Variants in BCAS3 observed in about 807,000 individuals in gnomAD.
The protein encoded by BCAS3 is BCAS3 microtubule associated cell migration factor.
BCAS3 carries 53 observed loss-of-function variants against 116.1 expected under a neutral mutation model. That is an observed-to-expected ratio of 0.46 (90% CI 0.37 to 0.57). The LOEUF is 0.57. BCAS3 is among the 20% of genes least tolerant of loss of function. BCAS3 has a pLI of 0.00. For missense variants in BCAS3, 917 were observed against 1,165.4 expected (o/e 0.79, Z 3.10); for synonymous variants, 391 against 408.2 (o/e 0.96, Z 0.51).
chr17:61,038,151 C>T (rs186857478), intron 18 of BCAS3, 97 bp downstream of exon 18: 150 of 1,062,582 alleles, frequency 1.4e-4, no homozygotes, highest in African/African-American at 5.8e-4. Flanking sequence ...CATACAGCTA[C>T]GAAATCATCA....
intron 22 of BCAS3, among the ~76,000 whole-genome samples, chr17:61,262,427 C>A (rs953850517): frequency 2.0e-5 from 3 of 150,878 alleles, no homozygotes; most frequent in African/African-American, 7.3e-5. Context: ...TTCGCCCAGG[C>A]TGTAGTGTAG....
rs147767926 is a variant in BCAS3, at chr17:60,763,732, C to T, written c.403+16453C>T. On this transcript the variant is annotated intron_variant, in intron 6 of 23. Coordinates refer to ENST00000407086, the MANE Select transcript of BCAS3 (RefSeq NM_017679.5). The stretch of plus-strand genomic sequence containing the variant: ...TCATAAAATGAGTTAGGGAGGGTTC[C>T]CTCTTTTTCTATGGATTGGAATAGC... Among the ~76,000 whole-genome samples the T allele has an allele frequency of 2.3e-3, 349 of 152,178 alleles. 6 individuals carry two copies. Among genetic ancestry groups the T allele is most frequent in the East Asian group, 0.017 (87 of 5,180 alleles).
chr17:60,983,039 T>A (rs1327032470), intron 14 of BCAS3, among the ~76,000 whole-genome samples: 2 of 152,296 alleles, frequency 1.3e-5, no homozygotes, highest in African/African-American at 2.4e-5. Flanking sequence ...AAGAAAAAAA[T>A]ATATAAATAT....
At chr17:61,182,504 A>G (rs1244180140) in intron 22 of BCAS3, among the ~76,000 whole-genome samples, 1 of 152,182 alleles carries the variant, frequency 6.6e-6, no homozygotes, top group African/African-American at 2.4e-5. Flanking sequence ...TTTTATTTTA[A>G]CAGCCTTATT....
intron 22 of BCAS3, among the ~76,000 whole-genome samples, chr17:61,330,971 T>C (rs561741780): frequency 3.3e-5 from 5 of 152,354 alleles, no homozygotes; most frequent in African/African-American, 1.2e-4. Flanking sequence ...CCAAAGGGCC[T>C]CTCTGGGCGG....
rs2061465172 is a variant in BCAS3, at chr17:60,962,581, G to A, written c.1221+15229G>A. On this transcript the variant is annotated intron_variant, in intron 14 of 23. Coordinates refer to ENST00000407086, the MANE Select transcript of BCAS3 (RefSeq NM_017679.5). The surrounding 1 kb of genome is among the most constrained non-coding windows in gnomAD (Gnocchi z 4.4). ...GTTGGATTTTGCCCATTTTAAAATT[G>A]GATTATTTGGGGGTTTTTGCTATTG... Among the ~76,000 whole-genome samples the A allele has an allele frequency of 6.6e-6, 1 of 151,784 alleles. No individual in the cohort carries two copies. The highest frequency in any genetic ancestry group is 1.5e-5 in the Non-Finnish European group (1 of 67,948).
intron 22 of BCAS3, among the ~76,000 whole-genome samples, chr17:61,345,054 T>C (rs1050127570): frequency 3.3e-5 from 5 of 152,306 alleles, no homozygotes; most frequent in Admixed American, 6.5e-5. Context: ...TCGCCTGCTG[T>C]CATCATCTTC....
chr17:60,713,943 C>A (rs981971371), intron 5 of BCAS3, among the ~76,000 whole-genome samples: 3 of 152,194 alleles, frequency 2.0e-5, no homozygotes, highest in Non-Finnish European at 4.4e-5. Context: ...AAGTGATTTT[C>A]ATGTCTCAGC....
intron 5 of BCAS3, among the ~76,000 whole-genome samples, chr17:60,712,744 A>G (rs1365456992): frequency 6.6e-6 from 1 of 152,210 alleles, no homozygotes; most frequent in African/African-American, 2.4e-5. Context: ...AAGCATACAC[A>G]TGCATGAGAG....
At position 61,180,605 on chromosome 17, in the gene BCAS3, T is replaced by C. The variant is rs900544177; in HGVS notation, c.2425+96041T>C. On this transcript the variant is annotated intron_variant, in intron 22 of 23. Transcript: ENST00000407086. The surrounding 1 kb of genome is among the most constrained non-coding windows in gnomAD (Gnocchi z 6.0). ...TGAGGAAACAACTCAGAGGACCCAA[T>C]AGCAAATGAGGCACTTAGATAGCAT... Among the ~76,000 whole-genome samples the C allele has an allele frequency of 2.6e-5, 4 of 152,166 alleles. No individual in the cohort carries two copies. The highest frequency in any genetic ancestry group is 9.6e-5 in the African/African-American group (4 of 41,464).
At chr17:60,857,471 T>G (rs2053780976) in intron 7 of BCAS3, among the ~76,000 whole-genome samples, 1 of 152,216 alleles carries the variant, frequency 6.6e-6, no homozygotes, top group Admixed American at 6.5e-5. Flanking sequence ...AAGACTGTAT[T>G]CTGTGTAAAA....
intron 22 of BCAS3, among the ~76,000 whole-genome samples, chr17:61,330,310 G>A (rs932267094): frequency 1.4e-5 from 2 of 138,278 alleles, no homozygotes; most frequent in African/African-American, 5.3e-5. Context: ...GGCTGGAGTA[G>A]TACAGTGGCG....
At chr17:61,050,194 C>T (rs2068731008) in intron 19 of BCAS3, among the ~76,000 whole-genome samples, 1 of 151,718 alleles carries the variant, frequency 6.6e-6, no homozygotes, top group Admixed American at 6.6e-5. Flanking sequence ...TAAAGGGAGT[C>T]CTTAAAACAG....
Position 60,960,289 on chromosome 17 carries a change from G to A in BCAS3, c.1221+12937G>A, listed in dbSNP as rs555646119. Among the ~76,000 whole-genome samples, 3 of 151,982 alleles carry A rather than the reference G, an allele frequency of 2.0e-5. No homozygotes were observed. Among genetic ancestry groups the A allele is most frequent in the Non-Finnish European group, 4.4e-5 (3 of 68,010 alleles). On this transcript the variant is annotated intron_variant, in intron 14 of 23. Coordinates refer to ENST00000407086, the MANE Select transcript of BCAS3 (RefSeq NM_017679.5). This position sits in a 1 kb window ranked among gnomAD's most constrained non-coding sequence, Gnocchi z 4.1. ...TTTTTAAAAATATTATCGGCTCAAAGGTCCAATCTTATCATCTCAATCATC... is the reference window on the plus strand; with the variant it reads ...TTTTTAAAAATATTATCGGCTCAAAAGTCCAATCTTATCATCTCAATCATC...
intron 19 of BCAS3, among the ~76,000 whole-genome samples, chr17:61,072,517 T>G (rs993421680): frequency 2.6e-5 from 4 of 152,114 alleles, no homozygotes; most frequent in African/African-American, 4.8e-5. Flanking sequence ...GAGTACTTGT[T>G]CTGTGACACG....
chr17:60,781,812 A>T (rs533177039), intron 6 of BCAS3, among the ~76,000 whole-genome samples: 1 of 152,224 alleles, frequency 6.6e-6, no homozygotes, highest in Non-Finnish European at 1.5e-5. Flanking sequence ...AGTTAATAAC[A>T]GTTGCTATGT....
Position 61,373,804 on chromosome 17 carries a change from C to CTT in BCAS3, c.2593+5312_2593+5313dup, listed in dbSNP as rs201141656. ...TTGCTGCTGTTAACTTCTTCTTCTTCTTTGTTTTTTTTTTTTTTTTTTTTG... is the reference window on the plus strand; with the variant it reads ...TTGCTGCTGTTAACTTCTTCTTCTTCTTTTTGTTTTTTTTTTTTTTTTTTTTG... On this transcript the variant is annotated intron_variant, in intron 23 of 23. Transcript: ENST00000407086. 1.1e-3 allele frequency among the ~76,000 whole-genome samples: 80 copies of CTT among 76,122 alleles called. 12 individuals carry two copies. Among genetic ancestry groups the CTT allele is most frequent in the Non-Finnish European group, 1.3e-3 (48 of 36,692 alleles). 49.9% of individuals were successfully genotyped at this position (76,122 alleles called of 152,430 possible). A position where few individuals can be genotyped will look rare whatever the true frequency, so the allele number is the denominator to read the frequency against.
intron 19 of BCAS3, among the ~76,000 whole-genome samples, chr17:61,053,393 G>A (rs1191583419): frequency 6.6e-6 from 1 of 152,184 alleles, no homozygotes; most frequent in African/African-American, 2.4e-5. Context: ...TGAGTCCAAT[G>A]CTGATATGTT....
rs533892714 is a variant in BCAS3 at position 61,070,433 on chromosome 17, C to CT, written c.2030-4481dup. 3.2e-4 allele frequency: 50 copies of CT among 155,886 alleles called. No individual in the cohort carries two copies. The East Asian group carries it at 8.2e-3, about 26-fold the overall frequency. The allele number at this position is 155,886 out of a possible 1,614,324, so 9.7% of individuals were successfully genotyped here. On this transcript the variant is annotated intron_variant, in intron 19 of 23. Transcript: ENST00000407086. ...CCATTTAAAAAAAATAGAAAGGAAGCTTTTTTGTTGTTGTTTAACTTGTCT... is the reference window on the plus strand; with the variant it reads ...CCATTTAAAAAAAATAGAAAGGAAGCTTTTTTTGTTGTTGTTTAACTTGTCT...
Sources: allele counts gnomAD v4.1 joint callset (sites outside exome capture counted in the v4.1 genomes callset), GRCh38; gene constraint gnomAD v4.1.1; non-coding constraint Gnocchi (gnomAD v3.1); transcripts MANE v1.5; gene names NCBI Gene and HGNC (gene_info 2026-07-23, HGNC 2026-07-21).